The following GLI2 variants were observed in gnomAD, a reference collection of about 807,000 sequenced individuals.
GLI2 encodes transcription activator GLI2.
Under a neutral mutation model 78.9 loss-of-function variants are expected in GLI2, and 22 were observed. The observed-to-expected ratio is 0.28, with a 90% CI of 0.20 to 0.40. GLI2 has a LOEUF of 0.40. GLI2 is among the 10% of genes least tolerant of loss of function. GLI2 has a pLI of 1.00. For missense variants in GLI2, 2,097 were observed against 2,213.2 expected, an observed-to-expected ratio of 0.95 and a Z score of 1.05; for synonymous variants, 974 against 963.7, an observed-to-expected ratio of 1.01 and a Z score of -0.20.
intron 1 of GLI2, among the ~76,000 whole-genome samples, chr2:120,772,185 TAGCA>T (rs1162402581): frequency 6.6e-6 from 1 of 152,068 alleles, no homozygotes; most frequent in Non-Finnish European, 1.5e-5. Context: ...TGTGATTGAT[TAGCA>T]ATGCCTGCCT....
intron 2 of GLI2, among the ~76,000 whole-genome samples, chr2:120,879,654 GC>G (rs1170563904): frequency 6.6e-6 from 1 of 152,210 alleles, no homozygotes; most frequent in Non-Finnish European, 1.5e-5. Flanking sequence ...CCCACCACGG[GC>G]TGGATGCCTG....
At chr2:120,983,029 G>A in intron 11 of GLI2, 149 bp downstream of exon 11, 1 of 612,616 alleles carries the variant, frequency 1.6e-6, no homozygotes, top group East Asian at 2.8e-5. Flanking sequence ...TACAGACCAG[G>A]ACTCTTTGAG....
chr2:120,878,483 G>T (rs1161003202), intron 2 of GLI2, among the ~76,000 whole-genome samples: 1 of 152,140 alleles, frequency 6.6e-6, no homozygotes, highest in Non-Finnish European at 1.5e-5. Flanking sequence ...GAGACAGTAT[G>T]AATCCACTGA....
Position 120,955,454 on chromosome 2 carries a change from G to A in GLI2, c.643+24G>A, listed in dbSNP as rs12614482. 1,373,204 of 1,495,488 alleles carry A rather than the reference G, an allele frequency of 0.92. 642,611 individuals carry two copies. Among genetic ancestry groups the A allele is most frequent in the East Asian group, 1 (42,824 of 42,840 alleles). The allele number at this position is 1,495,488 out of a possible 1,614,324, so 92.6% of individuals were successfully genotyped here. A position where few individuals can be genotyped will look rare whatever the true frequency, so the allele number is the denominator to read the frequency against. On this transcript the variant is annotated intron_variant, in intron 5 of 13. Transcript: ENST00000361492. ...CGGTGAGTGCTGGCCCCCAGGGGCT[G>A]AGGATGGGGCTAGCAGATCTCCTCT... is the stretch of plus-strand genomic sequence containing the variant.
chr2:120,975,352 G>C (rs1410939345), intron 9 of GLI2, among the ~76,000 whole-genome samples: 1 of 152,216 alleles, frequency 6.6e-6, no homozygotes, highest in African/African-American at 2.4e-5. Context: ...AAATGAGACT[G>C]TCAGGGAAAA....
intron 2 of GLI2, among the ~76,000 whole-genome samples, chr2:120,853,374 G>A (rs1687499301): frequency 6.6e-6 from 1 of 152,188 alleles, no homozygotes; most frequent in Non-Finnish European, 1.5e-5. Context: ...GGAGAGAGGA[G>A]GTGTCGTGGA....
chr2:120,911,417 G>A (rs1380740325), intron 2 of GLI2, among the ~76,000 whole-genome samples: 4 of 152,138 alleles, frequency 2.6e-5, no homozygotes, highest in East Asian at 1.9e-4. Flanking sequence ...GAACCACTGC[G>A]GTTTCCAGTC....
At chr2:120,849,147 G>A (rs1239724815) in intron 2 of GLI2, among the ~76,000 whole-genome samples, 1 of 152,198 alleles carries the variant, frequency 6.6e-6, no homozygotes, top group African/African-American at 2.4e-5. Context: ...CAGAGAGACA[G>A]AAAGTAGAAT....
chr2:120,972,768 C>T (rs1040832394), intron 8 of GLI2: 11 of 489,900 alleles, frequency 2.2e-5, no homozygotes, highest in South Asian at 8.9e-5. Context: ...CAAGTTCAAG[C>T]GGGGAGAGAA....
At chr2:120,742,595 G>A (rs1682581229) in intron 1 of GLI2, among the ~76,000 whole-genome samples, 1 of 149,112 alleles carries the variant, frequency 6.7e-6, no homozygotes, top group South Asian at 2.1e-4. Flanking sequence ...TGAGGCCGTA[G>A]CATTATTCAT....
chr2:120,968,495 C>G (rs960918451), intron 5 of GLI2, among the ~76,000 whole-genome samples: 1 of 152,224 alleles, frequency 6.6e-6, no homozygotes, highest in African/African-American at 2.4e-5. Context: ...TGCACTTCTC[C>G]AGTCCTCACC....
chr2:120,951,610 T>G (rs1446652836), intron 4 of GLI2, 165 bp downstream of exon 4: 2 of 585,482 alleles, frequency 3.4e-6, no homozygotes, highest in African/African-American at 3.7e-5. Flanking sequence ...AGTTTTTGGG[T>G]TTTATGCTCA....
intron 1 of GLI2, among the ~76,000 whole-genome samples, chr2:120,744,225 C>G (rs947828100): frequency 9.8e-5 from 15 of 152,352 alleles, no homozygotes; most frequent in Admixed American, 7.2e-4. Context: ...GTTGAAGGCA[C>G]ATCACTCAGA....
chr2:120,972,581 A>C lies in GLI2; in HGVS notation c.1182+518A>C, dbSNP rs1309086142. On this transcript the variant is annotated intron_variant, in intron 8 of 13. Transcript: ENST00000361492. ...TCACTTCAGGGCATGTGCTGTGTGC[A>C]CACCTGTCTCCCTGTCTGCACTCTA... 3 of 510,312 alleles carry C rather than the reference A, an allele frequency of 5.9e-6. No individual in the cohort carries two copies. In the East Asian group the frequency reaches 1.7e-4, roughly 28 times the overall value. The allele number at this position is 510,312 out of a possible 1,614,324, so 31.6% of individuals were successfully genotyped here.
At chr2:120,879,940 CT>C (rs1677034982) in intron 2 of GLI2, among the ~76,000 whole-genome samples, 1 of 152,198 alleles carries the variant, frequency 6.6e-6, no homozygotes, top group South Asian at 2.1e-4. Flanking sequence ...ATTTTAAGTG[CT>C]GGTTAAAATG....
chr2:120,888,389 G>T (rs113603749), intron 2 of GLI2, among the ~76,000 whole-genome samples: 2 of 152,208 alleles, frequency 1.3e-5, no homozygotes, highest in African/African-American at 4.8e-5. Context: ...CATCGTCCCC[G>T]AGCATTAGGA....
chr2:120,904,006 T>A (rs1394201135), intron 2 of GLI2, among the ~76,000 whole-genome samples: 1 of 151,984 alleles, frequency 6.6e-6, no homozygotes, highest in Non-Finnish European at 1.5e-5. Flanking sequence ...TTTGGGGGAA[T>A]ATAACAAGCA....
At chr2:120,857,331 A>T (rs1312328524) in intron 2 of GLI2, among the ~76,000 whole-genome samples, 2 of 139,658 alleles carry the variant, frequency 1.4e-5, no homozygotes, top group African/African-American at 2.8e-5. Flanking sequence ...TTGCCCACCC[A>T]CCTACCCATC....
At position 120,974,827 on chromosome 2, in the gene GLI2, G is replaced by A. The variant is rs918193019; in HGVS notation, c.1183-148G>A. ...GTCTGCATGCATGTGTTGTGTGTGT[G>A]CACACACACCTGTAACACACACACT... On this transcript the variant is annotated intron_variant, in intron 8 of 13. Coordinates refer to ENST00000361492, the MANE Select transcript of GLI2 (RefSeq NM_001374353.1). 7 of 1,030,336 alleles carry A rather than the reference G, an allele frequency of 6.8e-6. No individual in the cohort carries two copies. The African/African-American group carries it at 9.4e-5, about 14-fold the overall frequency. 63.8% of individuals were successfully genotyped at this position (1,030,336 alleles called of 1,614,324 possible). A position where few individuals can be genotyped will look rare whatever the true frequency, so the allele number is the denominator to read the frequency against.
Sources: gnomAD v4.1 joint callset for allele counts (sites outside exome capture counted in the v4.1 genomes callset) on GRCh38, gnomAD v4.1.1 for gene constraint, MANE v1.5 for transcripts, NCBI Gene and HGNC (gene_info 2026-07-23, HGNC 2026-07-21) for gene names.